DGAT2: variants seen among roughly 807,000 people sequenced by gnomAD.
DGAT2 encodes diacylglycerol O-acyltransferase 2.
In DGAT2, 33 loss-of-function variants were observed where a neutral mutation model predicts 48.4. The ratio of observed to expected loss-of-function variants is 0.68; its 90% CI spans 0.52 to 0.91. DGAT2 has a LOEUF of 0.91. DGAT2 is among the 40% of genes least tolerant of loss of function. The pLI is 0.00. For missense variants in DGAT2, 446 were observed against 493.7 expected, an observed-to-expected ratio of 0.90 and a Z score of 0.92; for synonymous variants, 191 against 194.1, an observed-to-expected ratio of 0.98 and a Z score of 0.13.
intron 1 of DGAT2, among the ~76,000 whole-genome samples, chr11:75,774,308 A>G (rs1209715650): frequency 6.6e-6 from 1 of 152,162 alleles, no homozygotes; most frequent in African/African-American, 2.4e-5. Context: ...GCAAGCCACT[A>G]CCCTTCCTTA....
chr11:75,793,363 G>A (rs1229303039), intron 4 of DGAT2: 4 of 152,208 alleles, frequency 2.6e-5, no homozygotes, highest in Non-Finnish European at 1.5e-5. Context: ...TGTGTCCCAA[G>A]GCACCTCATT....
intron 2 of DGAT2, 114 bp from the exon 3 acceptor site, chr11:75,790,074 C>T (rs1944968124): frequency 3.1e-5 from 24 of 775,932 alleles, no homozygotes; most frequent in South Asian, 3.1e-4. Context: ...GCCCCATGCC[C>T]ATGGCCCTGG....
At chr11:75,772,849 G>A (rs571948852) in intron 1 of DGAT2, among the ~76,000 whole-genome samples, 2 of 152,274 alleles carry the variant, frequency 1.3e-5, no homozygotes, top group South Asian at 4.1e-4. Flanking sequence ...ATTTAGCCAG[G>A]TGTGGTGGTG....
chr11:75,787,538 G>C (rs1000539823), intron 2 of DGAT2, among the ~76,000 whole-genome samples: 3 of 152,218 alleles, frequency 2.0e-5, no homozygotes, highest in African/African-American at 7.2e-5. Context: ...GTGTGAAAGT[G>C]GTCCTGAGCC....
intron 1 of DGAT2, among the ~76,000 whole-genome samples, chr11:75,773,362 C>T (rs1944775799): frequency 6.6e-6 from 1 of 152,232 alleles, no homozygotes; most frequent in Admixed American, 6.5e-5. Context: ...GTCACCCTTA[C>T]TGCTTCCCAG....
chr11:75,797,887 G>T (rs1003081724), intron 6 of DGAT2, among the ~76,000 whole-genome samples: 14 of 152,174 alleles, frequency 9.2e-5, no homozygotes, highest in African/African-American at 3.4e-4. Flanking sequence ...TGAGTCCAGG[G>T]CTGAGAGAGG....
intron 2 of DGAT2, among the ~76,000 whole-genome samples, chr11:75,785,950 G>C (rs1944918370): frequency 6.6e-6 from 1 of 152,238 alleles, no homozygotes; most frequent in Non-Finnish European, 1.5e-5. Context: ...TCCCCAGGGA[G>C]CCCACATTCC....
intron 2 of DGAT2, among the ~76,000 whole-genome samples, chr11:75,786,117 T>A (rs577921120): frequency 6.6e-6 from 1 of 152,296 alleles, no homozygotes; most frequent in Non-Finnish European, 1.5e-5. Context: ...GGGCCATAGC[T>A]GTCCTCAAAG....
At chr11:75,770,106 T>TTGA (rs1382687685) in intron 1 of DGAT2, among the ~76,000 whole-genome samples, 9 of 152,250 alleles carry the variant, frequency 5.9e-5, no homozygotes, top group African/African-American at 2.2e-4. Flanking sequence ...AGTATATCTC[T>TTGA]TGATCATTTT....
At chr11:75,794,490 C>G (rs140302776) in intron 4 of DGAT2, 2 of 152,314 alleles carry the variant, frequency 1.3e-5, no homozygotes, top group East Asian at 1.9e-4. Context: ...AATTGTATTT[C>G]TAGAAGTTTG....
chr11:75,797,423 C>T (rs1253052841), intron 6 of DGAT2, 91 bp downstream of exon 6: 2 of 1,303,078 alleles, frequency 1.5e-6, no homozygotes, highest in Middle Eastern at 2.9e-4. Context: ...GGACCCAGAC[C>T]CCAGGAAGGC....
chr11:75,771,249 T>C lies in DGAT2; in HGVS notation c.121+2137T>C, dbSNP rs147603949. ...AGTCTGTGTTGATATTTCCTAATCC[T>C]TGGAGGGCTGTCCTGTGCCAGACGT... is the stretch of plus-strand genomic sequence containing the variant. On this transcript the variant is annotated intron_variant, in intron 1 of 7. Transcript: ENST00000228027. Among the ~76,000 whole-genome samples the C allele has an allele frequency of 7.6e-3, 1,164 of 152,248 alleles. 17 individuals carry two copies. The highest frequency in any genetic ancestry group is 0.012 in the South Asian group (56 of 4,824).
chr11:75,768,834 C>T lies in DGAT2; in HGVS notation c.-158C>T, dbSNP rs900405887. 6.1e-6 allele frequency: 6 copies of T among 981,722 alleles called. No individual in the cohort carries two copies. Among genetic ancestry groups the T allele is most frequent in the Non-Finnish European group, 8.2e-6 (6 of 735,134 alleles). The allele number at this position is 981,722 out of a possible 1,614,324, so 60.8% of individuals were successfully genotyped here. A position where few individuals can be genotyped will look rare whatever the true frequency, so the allele number is the denominator to read the frequency against. The stretch of plus-strand genomic sequence containing the variant: ...CTGTTTCTCTCGCGCCACCACTGGC[C>T]GCCGGCCGCAGCTCCAGGTGTCCTA... On this transcript the variant is annotated 5_prime_UTR_variant, in exon 1 of 8. Transcript: ENST00000228027.
At chr11:75,790,587 C>T (rs1363466443) in intron 3 of DGAT2, 74 bp from the exon 4 acceptor site, 3 of 1,420,478 alleles carry the variant, frequency 2.1e-6, no homozygotes, top group East Asian at 2.3e-5. Flanking sequence ...TTGGGTTTCA[C>T]ACTGGCCCTG....
Position 75,768,962 on chromosome 11 carries a change from C to A in DGAT2, c.-30C>A. ...AGGGGCGCGGGGTGAAGCGGCTTCC[C>A]GCGGGGCCGTGACTGGGCGGGCTTC... On this transcript the variant is annotated 5_prime_UTR_variant, in exon 1 of 8. Coordinates refer to ENST00000228027, the MANE Select transcript of DGAT2 (RefSeq NM_032564.5). 2 of 1,464,084 alleles carry A rather than the reference C, an allele frequency of 1.4e-6. No homozygotes were observed. The highest frequency in any genetic ancestry group is 2.8e-5 in the East Asian group (1 of 35,932). The allele number at this position is 1,464,084 out of a possible 1,614,324, so 90.7% of individuals were successfully genotyped here. A position where few individuals can be genotyped will look rare whatever the true frequency, so the allele number is the denominator to read the frequency against.
At chr11:75,790,756 G>A in intron 4 of DGAT2, 25 bp downstream of exon 4, 1 of 1,613,252 alleles carries the variant, frequency 6.2e-7, no homozygotes, top group Non-Finnish European at 8.5e-7. Context: ...GTGTTGTTTT[G>A]GGAGGGTGGG....
intron 4 of DGAT2, among the ~76,000 whole-genome samples, chr11:75,791,878 T>A (rs537040340): frequency 6.6e-4 from 100 of 152,366 alleles, no homozygotes; most frequent in African/African-American, 2.4e-3. Context: ...CCTGATAGAC[T>A]TTGTCACTTT....
At chr11:75,788,077 C>G (rs1944940848) in intron 2 of DGAT2, among the ~76,000 whole-genome samples, 2 of 152,294 alleles carry the variant, frequency 1.3e-5, no homozygotes, top group South Asian at 4.1e-4. Context: ...GGTCCTTTTA[C>G]CCCTCAAGAG....
intron 4 of DGAT2, chr11:75,792,736 T>C (rs937307002): frequency 6.6e-6 from 1 of 151,674 alleles, no homozygotes; most frequent in Non-Finnish European, 1.5e-5. Context: ...CCCCAAAGTG[T>C]AGGCAGAATC....
Sources: allele counts gnomAD v4.1 joint callset (sites outside exome capture counted in the v4.1 genomes callset), GRCh38; gene constraint gnomAD v4.1.1; transcripts MANE v1.5; gene names NCBI Gene and HGNC (gene_info 2026-07-23, HGNC 2026-07-21).